The following GPHN variants were observed in gnomAD, a reference collection of about 807,000 sequenced individuals.
The protein encoded by GPHN is gephyrin.
GPHN carries 17 observed loss-of-function variants against 95.5 expected under a neutral mutation model. That is an observed-to-expected ratio of 0.18 (90% confidence interval 0.12 to 0.27). GPHN has a LOEUF of 0.27. GPHN is among the 10% of genes least tolerant of loss of function. GPHN has a pLI of 1.00. For missense variants in GPHN, 660 were observed against 978.1 expected (o/e 0.67, Z 4.34); for synonymous variants, 320 against 322.5 (o/e 0.99, Z 0.08).
At chr14:67,112,022 C>A in intron 15 of GPHN, 103 bp downstream of exon 15, 1 of 884,980 alleles carries the variant, frequency 1.1e-6, no homozygotes, top group South Asian at 1.4e-5. Context: ...GTCAGTTAGC[C>A]ATTAATTTTC....
At chr14:67,387,353 A>C in the GPHN span, 1 of 1,611,260 alleles carries the variant, frequency 6.2e-7, no homozygotes, top group South Asian at 1.1e-5. Flanking sequence ...TGATAGCTTC[A>C]ATCCACTCGG....
the GPHN span, among the ~76,000 whole-genome samples, chr14:67,372,820 C>A: frequency 6.8e-6 from 1 of 146,396 alleles, no homozygotes; most frequent in African/African-American, 2.6e-5. Context: ...GAGCAAGACT[C>A]CATCTCAAAA....
intron 8 of GPHN, among the ~76,000 whole-genome samples, chr14:66,937,920 T>C (rs1183216816): frequency 6.6e-6 from 1 of 152,160 alleles, no homozygotes; most frequent in Non-Finnish European, 1.5e-5. Context: ...GTTCCTCTCT[T>C]CTCCAGGTCA....
chr14:66,819,659 G>A (rs576028200), intron 3 of GPHN, among the ~76,000 whole-genome samples: 2 of 151,574 alleles, frequency 1.3e-5, no homozygotes, highest in Admixed American at 1.3e-4. Context: ...TTAGGACCAC[G>A]TTGGCTATTG....
chr14:67,089,225 A>G (rs2153668769), intron 12 of GPHN, 150 bp downstream of exon 12: 1 of 565,606 alleles, frequency 1.8e-6, no homozygotes, highest in Non-Finnish European at 3.1e-6. Context: ...TGTCAAAATA[A>G]CTTCATTCAC....
At chr14:66,748,882 T>A (rs1007613531) in intron 2 of GPHN, among the ~76,000 whole-genome samples, 1 of 151,968 alleles carries the variant, frequency 6.6e-6, no homozygotes, top group African/African-American at 2.4e-5. Flanking sequence ...TAGTGTCATG[T>A]TGGTGCTTAA....
chr14:67,085,839 C>CT (rs2076862703), intron 11 of GPHN, among the ~76,000 whole-genome samples: 2 of 152,198 alleles, frequency 1.3e-5, no homozygotes, highest in African/African-American at 4.8e-5. Context: ...AACTGAAACT[C>CT]TATACCCATT....
At chr14:67,592,679 G>A in the GPHN span, 1 of 1,608,300 alleles carries the variant, frequency 6.2e-7, no homozygotes, top group Non-Finnish European at 8.5e-7. Flanking sequence ...GGTTCCACTG[G>A]ATCTTTCAAT....
At chr14:66,991,099 T>G (rs948222633) in intron 9 of GPHN, among the ~76,000 whole-genome samples, 1 of 152,078 alleles carries the variant, frequency 6.6e-6, no homozygotes, top group Non-Finnish European at 1.5e-5. Flanking sequence ...CATATTAAAA[T>G]GTATTATTTA....
At chr14:67,456,418 T>A in the GPHN span, among the ~76,000 whole-genome samples, 1 of 151,918 alleles carries the variant, frequency 6.6e-6, no homozygotes, top group South Asian at 2.1e-4. Context: ...CTGGCCAACA[T>A]GGTGAAACCC....
chr14:66,711,458 C>T (rs561005731), intron 2 of GPHN, among the ~76,000 whole-genome samples: 9 of 152,058 alleles, frequency 5.9e-5, no homozygotes, highest in Admixed American at 5.2e-4. Flanking sequence ...CACTTGGGTT[C>T]GTTCCATGAT....
At chr14:66,607,136 G>C (rs552482057) in intron 1 of GPHN, among the ~76,000 whole-genome samples, 1 of 151,948 alleles carries the variant, frequency 6.6e-6, no homozygotes, top group Admixed American at 6.6e-5. Flanking sequence ...ATTATTGTGA[G>C]GTATGTTCCT....
intron 1 of GPHN, among the ~76,000 whole-genome samples, chr14:66,511,988 A>C (rs2058057610): frequency 1.3e-5 from 2 of 152,006 alleles, no homozygotes; most frequent in African/African-American, 4.8e-5. Flanking sequence ...AATGAAAGTC[A>C]CATGGTGTTT....
At chr14:67,299,717 G>C in the GPHN span, among the ~76,000 whole-genome samples, 1 of 152,158 alleles carries the variant, frequency 6.6e-6, no homozygotes, top group African/African-American at 2.4e-5. Context: ...TAGGGCAGTG[G>C]GTAAACACGG....
intron 10 of GPHN, among the ~76,000 whole-genome samples, chr14:67,048,934 C>T (rs139654303): frequency 0.012 from 1,757 of 152,148 alleles, 16 homozygotes; most frequent in Non-Finnish European, 0.018. Flanking sequence ...AATAGTTTTG[C>T]TTCATAGGAA....
chr14:67,721,259 C>A, the GPHN span, among the ~76,000 whole-genome samples: 1 of 152,104 alleles, frequency 6.6e-6, no homozygotes, highest in Non-Finnish European at 1.5e-5. Context: ...GAACACAGAG[C>A]GAGGAAGGGC....
chr14:67,525,515 C>T, the GPHN span, among the ~76,000 whole-genome samples: 1 of 152,214 alleles, frequency 6.6e-6, no homozygotes, highest in African/African-American at 2.4e-5. Context: ...GGGCACCCCT[C>T]ATTCTTCTCC....
the GPHN span, among the ~76,000 whole-genome samples, chr14:67,459,303 G>T: frequency 1.5e-4 from 23 of 152,226 alleles, no homozygotes; most frequent in African/African-American, 4.3e-4. Flanking sequence ...CAAAGTGCTG[G>T]GATTACAGGT....
chr14:66,796,885 A>T (rs1321252416), intron 3 of GPHN, among the ~76,000 whole-genome samples: 3 of 151,990 alleles, frequency 2.0e-5, no homozygotes, highest in African/African-American at 7.2e-5. Flanking sequence ...TTACTCAAGA[A>T]ATCTTTGCCC....
Sources: allele counts gnomAD v4.1 joint callset (sites outside exome capture counted in the v4.1 genomes callset), GRCh38; gene constraint gnomAD v4.1.1; transcripts MANE v1.5; gene names NCBI Gene and HGNC (gene_info 2026-07-23, HGNC 2026-07-21).